CNTN4: variants seen among roughly 807,000 people sequenced by gnomAD.
CNTN4 encodes contactin-4.
Under a neutral mutation model 122.5 loss-of-function variants are expected in CNTN4, and 77 were observed. The observed-to-expected ratio is 0.63, with a 90% confidence interval of 0.52 to 0.76. The LOEUF (loss-of-function observed/expected upper bound fraction) is 0.76. CNTN4 is among the 30% of genes least tolerant of loss of function. The pLI, the probability that CNTN4 is intolerant of heterozygous loss-of-function variation, is 0.00. For missense variants in CNTN4, 1,256 were observed against 1,259.1 expected, an observed-to-expected ratio of 1.00 and a Z score of 0.04; for synonymous variants, 512 against 447.0, an observed-to-expected ratio of 1.15 and a Z score of -1.83.
At chr3:2,257,325 C>T (rs564973789) in intron 2 of CNTN4, among the ~76,000 whole-genome samples, 194 of 152,270 alleles carry the variant, frequency 1.3e-3, no homozygotes, top group African/African-American at 4.3e-3. Flanking sequence ...AGACCTAAAA[C>T]CATAAAAACC....
intron 8 of CNTN4, 109 bp from the exon 9 acceptor site, chr3:2,883,036 T>A (rs2093930310): frequency 1.3e-6 from 1 of 752,636 alleles, no homozygotes; most frequent in Admixed American, 2.1e-5. Flanking sequence ...AGGAATTAAT[T>A]GTGCACATAA....
chr3:2,647,380 C>CAA (rs1317167547), intron 4 of CNTN4, among the ~76,000 whole-genome samples: 36 of 150,560 alleles, frequency 2.4e-4, no homozygotes, highest in Non-Finnish European at 4.3e-4. Flanking sequence ...AAACTCATCT[C>CAA]ATAAATAAAT....
At chr3:3,021,517 G>A (rs140600708) in intron 14 of CNTN4, among the ~76,000 whole-genome samples, 39 of 152,136 alleles carry the variant, frequency 2.6e-4, no homozygotes, top group Non-Finnish European at 5.1e-4. Context: ...ACTAATTTAA[G>A]GAAAAAAGAT....
chr3:2,257,321 A>G (rs954080249), intron 2 of CNTN4, among the ~76,000 whole-genome samples: 5 of 152,348 alleles, frequency 3.3e-5, no homozygotes, highest in African/African-American at 1.2e-4. Context: ...CCTAAGACCT[A>G]AAACCATAAA....
intron 2 of CNTN4, among the ~76,000 whole-genome samples, chr3:2,219,192 GT>G (rs1276056710): frequency 6.6e-6 from 1 of 152,164 alleles, no homozygotes; most frequent in African/African-American, 2.4e-5. Flanking sequence ...GAGGTAGAGG[GT>G]TAGTGATTTA....
chr3:2,406,740 G>T (rs2047053001), intron 3 of CNTN4, among the ~76,000 whole-genome samples: 1 of 152,160 alleles, frequency 6.6e-6, no homozygotes, highest in African/African-American at 2.4e-5. Context: ...TACAAAGTAT[G>T]TGAAATCTAA....
At chr3:2,539,543 C>T (rs779178810) in intron 3 of CNTN4, among the ~76,000 whole-genome samples, 16 of 151,968 alleles carry the variant, frequency 1.1e-4, no homozygotes, top group Non-Finnish European at 2.2e-4. Context: ...GTATAAATCC[C>T]GAAGAGATTG....
chr3:2,888,030 A>G (rs1290805987), intron 10 of CNTN4, among the ~76,000 whole-genome samples: 1 of 152,258 alleles, frequency 6.6e-6, no homozygotes, highest in Non-Finnish European at 1.5e-5. Flanking sequence ...ACAACAATGC[A>G]TATTAAAATG....
rs13077393 is a variant in CNTN4, at chr3:2,290,400, T to G, written c.-144-48778T>G. 7.0e-3 allele frequency among the ~76,000 whole-genome samples: 1,071 copies of G among 152,302 alleles called. 6 individuals carry two copies. Among genetic ancestry groups the G allele is most frequent in the Non-Finnish European group, 0.011 (780 of 68,024 alleles). ...TTTTATGGAATTGACATTGGAACAT[T>G]CATATCTTTACATTTATACGTACAA... On this transcript the variant is annotated intron_variant, in intron 2 of 24. Transcript: ENST00000418658.
intron 7 of CNTN4, among the ~76,000 whole-genome samples, chr3:2,855,720 G>T (rs757018920): frequency 6.6e-6 from 1 of 152,164 alleles, no homozygotes; most frequent in African/African-American, 2.4e-5. Context: ...GTCATTTAGC[G>T]TAAGTCACAT....
At chr3:2,279,152 AC>A (rs2041625532) in intron 2 of CNTN4, among the ~76,000 whole-genome samples, 1 of 152,146 alleles carries the variant, frequency 6.6e-6, no homozygotes, top group South Asian at 2.1e-4. Context: ...ACTAATAAAA[AC>A]ATCCAAATAA....
At chr3:2,914,561 C>G (rs1350981950) in intron 12 of CNTN4, among the ~76,000 whole-genome samples, 1 of 152,128 alleles carries the variant, frequency 6.6e-6, no homozygotes, top group South Asian at 2.1e-4. Flanking sequence ...TTGCTAGAAA[C>G]ATACAACTGC....
chr3:2,912,813 G>C (rs1306820243), intron 12 of CNTN4, among the ~76,000 whole-genome samples: 1 of 152,136 alleles, frequency 6.6e-6, no homozygotes, highest in Non-Finnish European at 1.5e-5. Flanking sequence ...TAATATACAA[G>C]AAGAGAAATG....
chr3:2,861,284 A>G (rs2093669204), intron 7 of CNTN4, among the ~76,000 whole-genome samples: 1 of 152,146 alleles, frequency 6.6e-6, no homozygotes, highest in Admixed American at 6.6e-5. Context: ...TTTGCTCAGC[A>G]CACTGATAAC....
At chr3:2,690,406 C>T (rs913653730) in intron 4 of CNTN4, among the ~76,000 whole-genome samples, 3 of 152,068 alleles carry the variant, frequency 2.0e-5, no homozygotes, top group Admixed American at 1.3e-4. Flanking sequence ...TGTCCAGATA[C>T]GTAGCCCCAC....
chr3:2,149,967 C>CTTT (rs11397937), intron 2 of CNTN4, among the ~76,000 whole-genome samples: 2 of 143,114 alleles, frequency 1.4e-5, no homozygotes, highest in Non-Finnish European at 1.5e-5. Flanking sequence ...GTGGGCATAG[C>CTTT]TTTTTTTTTT....
chr3:2,573,937 C>T (rs939079941), intron 4 of CNTN4, among the ~76,000 whole-genome samples: 1 of 152,104 alleles, frequency 6.6e-6, no homozygotes, highest in Non-Finnish European at 1.5e-5. Context: ...CTGCTTTAGG[C>T]CAGGCATGGT....
intron 3 of CNTN4, among the ~76,000 whole-genome samples, chr3:2,489,849 A>G (rs1222372956): frequency 6.6e-6 from 1 of 152,176 alleles, no homozygotes; most frequent in African/African-American, 2.4e-5. Context: ...ATTTCTCTAA[A>G]GAATGCTGGG....
chr3:2,496,683 C>T (rs1453224528), intron 3 of CNTN4, among the ~76,000 whole-genome samples: 1 of 152,126 alleles, frequency 6.6e-6, no homozygotes. Flanking sequence ...TGCCTATGTT[C>T]AGTTCCCTTT....
Sources: allele counts gnomAD v4.1 joint callset (sites outside exome capture counted in the v4.1 genomes callset), GRCh38; gene constraint gnomAD v4.1.1; transcripts MANE v1.5; gene names NCBI Gene and HGNC (gene_info 2026-07-23, HGNC 2026-07-21).